ODAD3: variants seen among roughly 807,000 people sequenced by gnomAD.
ODAD3 encodes the protein outer dynein arm-docking complex subunit 3.
Under a neutral mutation model 70.9 loss-of-function variants are expected in ODAD3, and 57 were observed. That is an observed-to-expected ratio of 0.80 (90% CI 0.65 to 1.00). The LOEUF is 1.00. Ranked by LOEUF, ODAD3 falls within the 50% of genes least tolerant of loss-of-function variation. The pLI, the probability that ODAD3 is intolerant of heterozygous loss-of-function variation, is 0.00. For missense variants in ODAD3, 797 were observed against 763.9 expected (o/e 1.04, Z -0.51); for synonymous variants, 327 against 315.9 (o/e 1.04, Z -0.37).
chr19:11,421,654 T>C (rs764166460), intron 11 of ODAD3, 23 bp downstream of exon 11: 1 of 1,605,862 alleles, frequency 6.2e-7, no homozygotes, highest in South Asian at 1.1e-5. Context: ...TCTCTGGAGC[T>C]CTGCCCCATG....
chr19:11,425,129 G>GCA lies in ODAD3; in HGVS notation c.963+1014_963+1015insTG, dbSNP rs1969273757. ...TATATATGTGTATATGTACATATGT[G>GCA]TATATGTGTATATGTACATATGTAT... On this transcript the variant is annotated intron_variant, in intron 7 of 12. Transcript: ENST00000356392. 1.6e-5 allele frequency among the ~76,000 whole-genome samples: 2 copies of GCA among 122,856 alleles called. 1 individual carries two copies. Among genetic ancestry groups the GCA allele is most frequent in the African/African-American group, 8.5e-5 (2 of 23,646 alleles). 80.6% of individuals were successfully genotyped at this position (122,856 alleles called of 152,430 possible). A position where few individuals can be genotyped will look rare whatever the true frequency, so the allele number is the denominator to read the frequency against.
At position 11,429,730 on chromosome 19, in the gene ODAD3, G is replaced by A. The variant is rs528305132; in HGVS notation, c.444+969C>T. Among the ~76,000 whole-genome samples, 13 of 151,756 alleles carry A rather than the reference G, an allele frequency of 8.6e-5. No individual in the cohort carries two copies. The South Asian group carries it at 1.7e-3, about 19-fold the overall frequency. On this transcript the variant is annotated intron_variant, in intron 3 of 12. Transcript: ENST00000356392. ...GCCTTTTGTATTTTTAGTAGAGACG[G>A]GGTTTCACCGTGTTAGCCAGGATGG...
chr19:11,425,135 GTGTATATGTACATA>G lies in ODAD3; in HGVS notation c.963+995_963+1008del, dbSNP rs1399762689. On this transcript the variant is annotated intron_variant, in intron 7 of 12. Transcript: ENST00000356392. ...TGTGTATATGTACATATGTGTATAT[GTGTATATGTACATA>G]TGTATATATACATATGTGTATATGT... Among the ~76,000 whole-genome samples, 3 of 127,670 alleles carry G rather than the reference GTGTATATGTACATA, an allele frequency of 2.3e-5. 1 individual carries two copies. Among genetic ancestry groups the G allele is most frequent in the African/African-American group, 1.2e-4 (3 of 25,698 alleles). 83.8% of individuals were successfully genotyped at this position (127,670 alleles called of 152,430 possible).
rs373641970 is a variant in ODAD3, at chr19:11,426,970, A to G, written c.515T>C (p.Val172Ala). Residue 172 changes from valine to alanine, a missense_variant, in exon 4 of 13, where the codon GTG (valine) becomes GCG (alanine). Coordinates refer to ENST00000356392, the MANE Select transcript of ODAD3 (RefSeq NM_145045.5). ...CTCCTCCAGCCGCCTCTGCCGCAAC[A>G]CCACCTGGTGCCGCAGGGCGTTCTG... is the stretch of plus-strand genomic sequence containing the variant. The part of the protein sequence containing the change: ...KQQNALRHQV[V>A]LRQRRLEELQ... 2.5e-6 allele frequency: 4 copies of G among 1,607,932 alleles called. No individual in the cohort carries two copies. The African/African-American group carries it at 4.0e-5, about 16-fold the overall frequency.
chr19:11,428,195 C>G (rs1969427103), intron 3 of ODAD3, among the ~76,000 whole-genome samples: 1 of 152,114 alleles, frequency 6.6e-6, no homozygotes, highest in Admixed American at 6.6e-5. Context: ...CTCGGCCTCC[C>G]AAAGTGCTGA....
chr19:11,431,376 TC>T (rs1273641548), intron 1 of ODAD3, among the ~76,000 whole-genome samples: 2 of 151,848 alleles, frequency 1.3e-5, no homozygotes, highest in Admixed American at 1.3e-4. Context: ...CCCCCTAAAG[TC>T]CTAGGATTAT....
At position 11,431,040 on chromosome 19, in the gene ODAD3, G is replaced by A; in HGVS notation, c.245-20C>T. On this transcript the variant is annotated intron_variant, in intron 1 of 12. Coordinates refer to ENST00000356392, the MANE Select transcript of ODAD3 (RefSeq NM_145045.5). ...CACCCTCTGGCAGGCAGGTGAGGTG[G>A]ACAGACACACAGTTACTGGGTGGGT... 6.2e-7 allele frequency: 1 copy of A among 1,613,886 alleles called. No homozygotes were observed. The highest frequency in any genetic ancestry group is 8.5e-7 in the Non-Finnish European group (1 of 1,180,004).
Position 11,420,704 on chromosome 19 carries a change from G to T in ODAD3, c.*131C>A. The T allele has an allele frequency of 1.4e-6, 1 of 699,328 alleles. No homozygotes were observed. The highest frequency in any genetic ancestry group is 1.7e-5 in the South Asian group (1 of 58,824). 43.3% of individuals were successfully genotyped at this position (699,328 alleles called of 1,614,324 possible). ...CTGGCCCGGCCCCTTCCTCCCCTCC[G>T]GGCGCCGCTGGCCGCCTCCGTTCCC... On this transcript the variant is annotated 3_prime_UTR_variant, in exon 13 of 13. Coordinates refer to ENST00000356392, the MANE Select transcript of ODAD3 (RefSeq NM_145045.5).
intron 11 of ODAD3, 48 bp from the exon 12 acceptor site, chr19:11,421,260 C>A (rs1410363454): frequency 6.5e-7 from 1 of 1,548,306 alleles, no homozygotes; most frequent in East Asian, 2.3e-5. Context: ...GGGCCAGGGG[C>A]CACCGAGAAG....
Position 11,422,744 on chromosome 19 carries a change from C to T in ODAD3, c.1234G>A (p.Glu412Lys). 6.2e-7 allele frequency: 1 copy of T among 1,612,726 alleles called. No homozygotes were observed. Among genetic ancestry groups the T allele is most frequent in the Non-Finnish European group, 8.5e-7 (1 of 1,179,926 alleles). ...CCCGAGTACTTGAGGTCTTCCAGCT[C>T]CCGCTGCAGTTGTTGCTTCTCCTGC... ...LKQEKQQLQRELEDLKYSGEA... is the reference protein window; with the variant it reads ...LKQEKQQLQRKLEDLKYSGEA... Residue 412 changes from glutamate (E) to lysine (K), a missense_variant, in exon 9 of 13, where the codon GAG becomes AAG. Coordinates refer to ENST00000356392, the MANE Select transcript of ODAD3 (RefSeq NM_145045.5). This position sits in a 1 kb window ranked among gnomAD's most constrained non-coding sequence, Gnocchi z 4.6.
intron 3 of ODAD3, 100 bp downstream of exon 3, chr19:11,430,599 G>A: frequency 9.5e-7 from 1 of 1,047,880 alleles, no homozygotes; most frequent in Non-Finnish European, 1.5e-6. Context: ...ATGAATGGCA[G>A]CTAGTGTGCA....
In ODAD3 at chr19:11,420,945, C is replaced by T; in HGVS notation, c.1678G>A (p.Glu560Lys). The T allele has an allele frequency of 6.2e-7, 1 of 1,613,214 alleles. No individual in the cohort carries two copies. The highest frequency in any genetic ancestry group is 8.5e-7 in the Non-Finnish European group (1 of 1,179,422). ...LATSKDKFFD[E>K]ESEEEDNEVV... ...TCGTTGTCCTCCTCCTCACTCTCTT[C>T]GTCTAAGGGGGGTGGGGGGATGAGC... Residue 560 changes from glutamate (E) to lysine (K), a missense_variant and splice_region_variant, in exon 13 of 13, where the codon GAA (glutamate) becomes AAA (lysine). Coordinates refer to ENST00000356392, the MANE Select transcript of ODAD3 (RefSeq NM_145045.5).
Position 11,424,505 on chromosome 19 carries a change from GTATATATGTA to G in ODAD3, c.964-486_964-477del, listed in dbSNP as rs1482306017. On this transcript the variant is annotated intron_variant, in intron 7 of 12. Coordinates refer to ENST00000356392, the MANE Select transcript of ODAD3 (RefSeq NM_145045.5). ...CTCAAAAAAAAATCCATATATATATGTATATATGTATATATATGTATATATGTATATATGT... is the reference window on the plus strand; with the variant it reads ...CTCAAAAAAAAATCCATATATATATGTATATATGTATATATGTATATATGT... Among the ~76,000 whole-genome samples the G allele has an allele frequency of 2.4e-3, 332 of 140,252 alleles. 2 individuals carry two copies. The highest frequency in any genetic ancestry group is 0.011 in the Middle Eastern group (3 of 272). 92.0% of individuals were successfully genotyped at this position (140,252 alleles called of 152,430 possible).
chr19:11,425,281 ATGTACATATGTGTATATATGTGTATG>A (rs1969298399), intron 7 of ODAD3, among the ~76,000 whole-genome samples: 3 of 140,288 alleles, frequency 2.1e-5, no homozygotes, highest in African/African-American at 8.8e-5. Flanking sequence ...ATGTGTGTAT[ATGTACATATGTGTATATATGTGTATG>A]TGTACATATG....
chr19:11,429,068 G>A (rs1044110745), intron 3 of ODAD3, among the ~76,000 whole-genome samples: 1 of 146,454 alleles, frequency 6.8e-6, no homozygotes, highest in Admixed American at 6.9e-5. Context: ...TAGTAGAGAC[G>A]GGGTTTCGCC....
Position 11,422,585 on chromosome 19 carries a change from C to T in ODAD3, c.1320G>A (p.Lys440=), listed in dbSNP as rs1969164644. The change falls in exon 10 of 13, where the codon AAG becomes AAA. Residue 440 remains lysine (K), a synonymous_variant. Transcript: ENST00000356392. The surrounding 1 kb of genome is among the most constrained non-coding windows in gnomAD (Gnocchi z 4.6). Reference sequence around the variant, plus strand: ...TGGCCTCGGCGTGCCGCCGCTCCTCCTTCTTGAGACGCTCCTGCGCCTCGG... The same window carrying T: ...TGGCCTCGGCGTGCCGCCGCTCCTCTTTCTTGAGACGCTCCTGCGCCTCGG... The part of the protein sequence containing the change: ...LQAEAQERLK[K]EERRHAEAKD... The T allele has an allele frequency of 1.3e-6, 2 of 1,594,798 alleles. No individual in the cohort carries two copies. The highest frequency in any genetic ancestry group is 3.5e-5 in the Admixed American group (2 of 57,098).
chr19:11,422,350 G>A lies in ODAD3; in HGVS notation c.1434+121C>T, dbSNP rs933367599. ...TGTGGGCGGGGCCTCTGACGTCCGG[G>A]ACAGAGGATGTGGCAGGCCACGTTC... On this transcript the variant is annotated intron_variant, in intron 10 of 12. Transcript: ENST00000356392. This position sits in a 1 kb window ranked among gnomAD's most constrained non-coding sequence, Gnocchi z 4.6. 9 of 1,263,318 alleles carry A rather than the reference G, an allele frequency of 7.1e-6. No homozygotes were observed. The African/African-American group carries it at 1.1e-4, about 15-fold the overall frequency. The allele number at this position is 1,263,318 out of a possible 1,614,324, so 78.3% of individuals were successfully genotyped here.
In ODAD3 at chr19:11,420,775, G is replaced by C; in HGVS notation, c.*60C>G. On this transcript the variant is annotated 3_prime_UTR_variant, in exon 13 of 13. Coordinates refer to ENST00000356392, the MANE Select transcript of ODAD3 (RefSeq NM_145045.5). ...CCTGAAGGGGCCCCGTGGGGCCTGC[G>C]CTAGACCCGGAGGGATCGGGGGCTC... is the stretch of plus-strand genomic sequence containing the variant. 1.3e-6 allele frequency: 2 copies of C among 1,485,200 alleles called. No homozygotes were observed. Among genetic ancestry groups the C allele is most frequent in the Non-Finnish European group, 1.9e-6 (2 of 1,065,224 alleles). 92.0% of individuals were successfully genotyped at this position (1,485,200 alleles called of 1,614,324 possible). A position where few individuals can be genotyped will look rare whatever the true frequency, so the allele number is the denominator to read the frequency against.
intron 7 of ODAD3, among the ~76,000 whole-genome samples, chr19:11,425,626 CATATATGTAT>C (rs1225347432): frequency 1.5e-5 from 2 of 133,226 alleles, no homozygotes; most frequent in East Asian, 2.0e-4. Flanking sequence ...TGCATATATG[CATATATGTAT>C]ATATATGTAT....
Sources: allele counts gnomAD v4.1 joint callset (sites outside exome capture counted in the v4.1 genomes callset), GRCh38; gene constraint gnomAD v4.1.1; non-coding constraint Gnocchi (gnomAD v3.1); transcripts MANE v1.5; gene names NCBI Gene and HGNC (gene_info 2026-07-23, HGNC 2026-07-21).